The following PGPEP1 variants were observed in gnomAD, a reference collection of about 807,000 sequenced individuals.
The protein encoded by PGPEP1 is pyroglutamyl-peptidase 1.
A neutral mutation model predicts 24.1 loss-of-function variants in PGPEP1; 15 were observed. The ratio of observed to expected loss-of-function variants is 0.62; its 90% CI spans 0.42 to 0.96. The LOEUF (loss-of-function observed/expected upper bound fraction) is 0.96, where lower values mean the gene tolerates loss of function less well. PGPEP1 is among the 40% of genes least tolerant of loss of function. PGPEP1 has a pLI of 0.00. For missense variants in PGPEP1, 242 were observed against 273.4 expected (o/e 0.89, Z 0.81); for synonymous variants, 122 against 116.4 (o/e 1.05, Z -0.31).
At chr19:18,344,853 A>G (rs1431334509) in intron 2 of PGPEP1, among the ~76,000 whole-genome samples, 1 of 152,024 alleles carries the variant, frequency 6.6e-6, no homozygotes, top group Non-Finnish European at 1.5e-5. Flanking sequence ...TAAATAGAAG[A>G]AAAATCAATT....
intron 2 of PGPEP1, among the ~76,000 whole-genome samples, chr19:18,354,322 C>T (rs1192603212): frequency 1.3e-5 from 2 of 151,830 alleles, no homozygotes; most frequent in East Asian, 1.9e-4. Context: ...AGTGAAACCC[C>T]GTCTCCACTA....
Position 18,364,103 on chromosome 19 carries a change from T to TCTTTCTTTCTTTCTTGCTTTCTTG in PGPEP1, c.*531_*532insTCTTGCTTTCTTGCTTTCTTTCTT, listed in dbSNP as rs1555713578. ...GGCTGGCTTTCTTTCTTTCTTTCTT[T>TCTTTCTTTCTTTCTTGCTTTCTTG]CTTTCTTTCTTGCTTTCTTTCTTTC... On this transcript the variant is annotated 3_prime_UTR_variant, in exon 5 of 5. Coordinates refer to ENST00000269919, the MANE Select transcript of PGPEP1 (RefSeq NM_017712.4). 2 of 134,978 alleles carry TCTTTCTTTCTTTCTTGCTTTCTTG rather than the reference T, an allele frequency of 1.5e-5. No homozygotes were observed. Among genetic ancestry groups the TCTTTCTTTCTTTCTTGCTTTCTTG allele is most frequent in the Admixed American group, 7.9e-5 (1 of 12,702 alleles). 8.4% of individuals were successfully genotyped at this position (134,978 alleles called of 1,614,324 possible).
intron 2 of PGPEP1, among the ~76,000 whole-genome samples, chr19:18,355,322 G>C (rs1024029587): frequency 1.3e-4 from 20 of 150,396 alleles, no homozygotes; most frequent in African/African-American, 4.9e-4. Context: ...GTGCAGTTAC[G>C]TGATCTTGGC....
intron 2 of PGPEP1, among the ~76,000 whole-genome samples, chr19:18,352,918 C>CTTTT (rs147065945): frequency 6.9e-6 from 1 of 144,606 alleles, no homozygotes; most frequent in African/African-American, 2.5e-5. Flanking sequence ...CAGGTTGAAT[C>CTTTT]TTTTTTTTTT....
chr19:18,361,570 C>A, intron 4 of PGPEP1: 1 of 222,290 alleles, frequency 4.5e-6, no homozygotes, highest in Non-Finnish European at 7.6e-6. Context: ...CAGGTGTGAG[C>A]CACCATACCC....
intron 4 of PGPEP1, among the ~76,000 whole-genome samples, chr19:18,360,687 G>A (rs1971321436): frequency 6.6e-6 from 1 of 151,848 alleles, no homozygotes; most frequent in Non-Finnish European, 1.5e-5. Context: ...ACCACACCCA[G>A]CTAATTTTTG....
chr19:18,340,869 T>C (rs1323711994), intron 1 of PGPEP1, among the ~76,000 whole-genome samples, 154 bp downstream of exon 1: 4 of 151,974 alleles, frequency 2.6e-5, no homozygotes, highest in Non-Finnish European at 4.4e-5. Flanking sequence ...CCAGGCTTCC[T>C]GGAAAGTGGA....
chr19:18,365,925 C>CT lies in PGPEP1; in HGVS notation c.*2352dup, dbSNP rs11338117. ...GACACTATTGTTCCCTCCATGCCAGCTTTTTTTTTTGCTGGAAATGCCCCC... is the reference window on the plus strand; with the variant it reads ...GACACTATTGTTCCCTCCATGCCAGCTTTTTTTTTTTGCTGGAAATGCCCCC... On this transcript the variant is annotated 3_prime_UTR_variant, in exon 5 of 5. Transcript: ENST00000269919. 7.4e-4 allele frequency: 111 copies of CT among 151,012 alleles called. No homozygotes were observed. Among genetic ancestry groups the CT allele is most frequent in the Admixed American group, 1.6e-3 (24 of 15,072 alleles). The allele number at this position is 151,012 out of a possible 1,614,324, so 9.4% of individuals were successfully genotyped here. A position where few individuals can be genotyped will look rare whatever the true frequency, so the allele number is the denominator to read the frequency against.
intron 4 of PGPEP1, among the ~76,000 whole-genome samples, chr19:18,362,959 C>T (rs1971385750): frequency 1.3e-5 from 2 of 152,028 alleles, no homozygotes; most frequent in African/African-American, 2.4e-5. Context: ...AGCGTGCCTT[C>T]CCACCAGCAA....
Position 18,363,797 on chromosome 19 carries a change from C to T in PGPEP1, c.*214C>T, listed in dbSNP as rs1037936811. ...GAAAATTTTTTTTTCTCCCATTTTC[C>T]TCCCTGCATCTGGGGACACAGCTGC... On this transcript the variant is annotated 3_prime_UTR_variant, in exon 5 of 5. Coordinates refer to ENST00000269919, the MANE Select transcript of PGPEP1 (RefSeq NM_017712.4). 2.2e-6 allele frequency: 1 copy of T among 461,478 alleles called. No individual in the cohort carries two copies. Among genetic ancestry groups the T allele is most frequent in the South Asian group, 3.3e-5 (1 of 30,152 alleles). The allele number at this position is 461,478 out of a possible 1,614,324, so 28.6% of individuals were successfully genotyped here.
chr19:18,357,433 GA>G lies in PGPEP1; in HGVS notation c.258del (p.Lys86AsnfsTer53). On this transcript the variant is annotated frameshift_variant, in exon 4 of 5. Coordinates refer to ENST00000269919, the MANE Select transcript of PGPEP1 (RefSeq NM_017712.4). LOFTEE classifies it high-confidence loss of function. ...SGMATTVTLEKCGHNKGYKGL... is the reference protein window; with the variant it reads ...SGMATTVTLEXCGHNKGYKGL... ...GCATGGCGACCACAGTCACACTGGA[GA>G]AATGTGGACACAACAAGGGCTACAA... 1 of 1,614,072 alleles carries G rather than the reference GA, an allele frequency of 6.2e-7. No homozygotes were observed.
At chr19:18,362,170 G>C (rs1203029801) in intron 4 of PGPEP1, among the ~76,000 whole-genome samples, 2 of 152,132 alleles carry the variant, frequency 1.3e-5, no homozygotes, top group African/African-American at 4.8e-5. Flanking sequence ...ACTTTGGGAG[G>C]CCGAGGCAGG....
Position 18,364,127 on chromosome 19 carries a change from T to TTGCTTTCTTGCTTGCTTTCTTG in PGPEP1, c.*544_*545insTGCTTTCTTGCTTGCTTTCTTG, listed in dbSNP as rs1568321206. On this transcript the variant is annotated 3_prime_UTR_variant, in exon 5 of 5. Transcript: ENST00000269919. Reference sequence around the variant, plus strand: ...TTCTTTCTTTCTTGCTTTCTTTCTTTCTTGCTTTCTTTCTTCTCTCTCTCT... The same window carrying TTGCTTTCTTGCTTGCTTTCTTG: ...TTCTTTCTTTCTTGCTTTCTTTCTTTTGCTTTCTTGCTTGCTTTCTTGCTTGCTTTCTTTCTTCTCTCTCTCT... 1 of 135,346 alleles carries TTGCTTTCTTGCTTGCTTTCTTG rather than the reference T, an allele frequency of 7.4e-6. No individual in the cohort carries two copies. Among genetic ancestry groups the TTGCTTTCTTGCTTGCTTTCTTG allele is most frequent in the African/African-American group, 3.0e-5 (1 of 32,904 alleles). 8.4% of individuals were successfully genotyped at this position (135,346 alleles called of 1,614,324 possible). A position where few individuals can be genotyped will look rare whatever the true frequency, so the allele number is the denominator to read the frequency against.
At chr19:18,358,253 C>CTTTTTTTTTT (rs58979840) in intron 4 of PGPEP1, among the ~76,000 whole-genome samples, 2 of 64,486 alleles carry the variant, frequency 3.1e-5, no homozygotes, top group Non-Finnish European at 5.6e-5. Flanking sequence ...TCCAGTATGA[C>CTTTTTTTTTT]TTTTTTTTTT....
chr19:18,357,094 T>G (rs1220691532), intron 3 of PGPEP1, among the ~76,000 whole-genome samples: 2 of 152,118 alleles, frequency 1.3e-5, no homozygotes, highest in East Asian at 3.8e-4. Flanking sequence ...CAGCTCATTA[T>G]TTATTGAACT....
rs758139009 is a variant in PGPEP1 at position 18,342,920 on chromosome 19, G to C, written c.87+9G>C. On this transcript the variant is annotated intron_variant, in intron 2 of 4. Coordinates refer to ENST00000269919, the MANE Select transcript of PGPEP1 (RefSeq NM_017712.4). ...GTTGGATTGCAGTTCAGGTAACTTAGATCCGGAGGGTGGGAGTCAGGCTTG... is the reference window on the plus strand; with the variant it reads ...GTTGGATTGCAGTTCAGGTAACTTACATCCGGAGGGTGGGAGTCAGGCTTG... The C allele has an allele frequency of 5.0e-6, 8 of 1,609,444 alleles. No individual in the cohort carries two copies. In the South Asian group the frequency reaches 8.8e-5, roughly 18 times the overall value.
chr19:18,368,729 G>T lies in PGPEP1; in HGVS notation c.*5146G>T, dbSNP rs1971623944. 1 of 152,766 alleles carries T rather than the reference G, an allele frequency of 6.5e-6. No homozygotes were observed. The highest frequency in any genetic ancestry group is 1.5e-5 in the Non-Finnish European group (1 of 68,180). 9.5% of individuals were successfully genotyped at this position (152,766 alleles called of 1,614,324 possible). ...GCCACTGTCTAGACTGTTGGCCTTT[G>T]ACCTCTCTGCCTCTTGTGGCGTCTG... On this transcript the variant is annotated 3_prime_UTR_variant, in exon 5 of 5. Transcript: ENST00000269919.
At chr19:18,340,844 G>T in intron 1 of PGPEP1, 129 bp downstream of exon 1, 1 of 664,634 alleles carries the variant, frequency 1.5e-6, no homozygotes, top group Middle Eastern at 4.7e-4. Flanking sequence ...ATCACCCGCG[G>T]GAGCCCCGCG....
At chr19:18,350,526 T>C (rs1970990718) in intron 2 of PGPEP1, among the ~76,000 whole-genome samples, 1 of 152,240 alleles carries the variant, frequency 6.6e-6, no homozygotes, top group African/African-American at 2.4e-5. Flanking sequence ...TACTTGGCAT[T>C]TATGCCCCAC....
Sources: allele counts gnomAD v4.1 joint callset (sites outside exome capture counted in the v4.1 genomes callset), GRCh38; gene constraint gnomAD v4.1.1; transcripts MANE v1.5; gene names NCBI Gene and HGNC (gene_info 2026-07-23, HGNC 2026-07-21).